Variants in ABCF1 observed in about 807,000 individuals in gnomAD.
The protein encoded by ABCF1 is ATP binding cassette subfamily F member 1, also known as ATP-binding cassette sub-family F member 1.
Under a neutral mutation model 126.3 loss-of-function variants are expected in ABCF1, and 73 were observed. The observed-to-expected ratio is 0.58, with a 90% CI of 0.48 to 0.70. The LOEUF (loss-of-function observed/expected upper bound fraction) is 0.70. Among genes scored for constraint, ABCF1 ranks in the 30% least tolerant of loss-of-function variants. ABCF1 has a pLI of 0.00. For synonymous variants in ABCF1, 345 were observed against 396.4 expected (o/e 0.87, Z 1.54); for missense variants, 786 against 1,057.5 (o/e 0.74, Z 3.56).
Position 30,590,594 on chromosome 6 carries a change from G to A in ABCF1, c.2431G>A (p.Val811Met). ...CACAGAAACCAATTGCCAGCTGTGG[G>A]TGGTGGAGGAGCAGAGTGTTAGCCA... The part of the protein sequence containing the change: ...LITETNCQLW[V>M]VEEQSVSQID... The change falls in exon 25 of 25, where the codon GTG becomes ATG. Residue 811 changes from valine (V) to methionine (M), a missense_variant. Around this residue, in one of 4 missense-constraint regions of ABCF1, gnomAD observed 288 missense variants for 423.5 expected, o/e 0.68. Transcript: ENST00000326195. 6.2e-6 allele frequency: 10 copies of A among 1,613,068 alleles called. No homozygotes were observed. The highest frequency in any genetic ancestry group is 8.5e-6 in the Non-Finnish European group (10 of 1,180,030).
chr6:30,589,692 A>G lies in ABCF1; in HGVS notation c.2036A>G (p.His679Arg), dbSNP rs766538220. Residue 679 changes from histidine (H) to arginine (R), a missense_variant, in exon 21 of 25, where the codon CAT becomes CGT. By Grantham distance (29) the His-to-Arg change is conservative. Around this residue, in one of 4 missense-constraint regions of ABCF1, gnomAD observed 288 missense variants for 423.5 expected, o/e 0.68. Transcript: ENST00000326195. Reference protein sequence around the residue: ...LLLTGKLTPTHGEMRKNHRLK... With the variant: ...LLLTGKLTPTRGEMRKNHRLK... ...CTACTTTGTCTTCCCTTGCAGACCC[A>G]TGGGGAAATGAGAAAGAACCACCGG... The G allele has an allele frequency of 3.1e-6, 5 of 1,613,606 alleles. No homozygotes were observed. The highest frequency in any genetic ancestry group is 1.7e-6 in the Non-Finnish European group (2 of 1,179,942).
chr6:30,585,706 C>T, intron 16 of ABCF1, 24 bp downstream of exon 16: 1 of 1,611,682 alleles, frequency 6.2e-7, no homozygotes, highest in Non-Finnish European at 8.5e-7. Flanking sequence ...TGTGTGGATG[C>T]AGGGAAGAGA....
rs1802140608 is a variant in ABCF1, at chr6:30,586,481, A to G, written c.1893A>G (p.Thr631=). ...TCTTTTCGTGGCTTTCAGGTGTGAC[A>G]TTCGGCTACCAGGGACAGAAACCAC... is the stretch of plus-strand genomic sequence containing the variant. The part of the protein sequence containing the change: ...SPPVLGLHGV[T]FGYQGQKPLF... The change falls in exon 19 of 25, where the codon ACA becomes ACG. Residue 631 remains threonine (T), a synonymous_variant. Transcript: ENST00000326195. This position sits in a 1 kb window ranked among gnomAD's most constrained non-coding sequence, Gnocchi z 4.9. 3 of 1,613,550 alleles carry G rather than the reference A, an allele frequency of 1.9e-6. No homozygotes were observed. The highest frequency in any genetic ancestry group is 2.5e-6 in the Non-Finnish European group (3 of 1,180,030).
At chr6:30,585,464 C>T (rs1196710793) in intron 15 of ABCF1, 94 bp from the exon 16 acceptor site, 3 of 1,588,916 alleles carry the variant, frequency 1.9e-6, no homozygotes, top group African/African-American at 2.7e-5. Context: ...TTCAGACCCC[C>T]CTTTCCCTCC....
At chr6:30,587,941 C>T (rs1186168499) in intron 20 of ABCF1, among the ~76,000 whole-genome samples, 1 of 151,018 alleles carries the variant, frequency 6.6e-6, no homozygotes, top group Non-Finnish European at 1.5e-5. Context: ...GTCTCACTGT[C>T]GCCCAGCCTG....
At position 30,591,325 on chromosome 6, in the gene ABCF1, T is replaced by C. The variant is rs1802444263; in HGVS notation, c.*624T>C. On this transcript the variant is annotated 3_prime_UTR_variant, in exon 25 of 25. Coordinates refer to ENST00000326195, the MANE Select transcript of ABCF1 (RefSeq NM_001025091.2). Reference sequence around the variant, plus strand: ...GAGTTGCTGCCGACCTGTCACTGTTTGGAGATTGATGGGAGTTGGAACTGT... The same window carrying C: ...GAGTTGCTGCCGACCTGTCACTGTTCGGAGATTGATGGGAGTTGGAACTGT... 6.6e-6 allele frequency: 1 copy of C among 152,244 alleles called. No individual in the cohort carries two copies. Among genetic ancestry groups the C allele is most frequent in the Non-Finnish European group, 1.5e-5 (1 of 68,090 alleles). The allele number at this position is 152,244 out of a possible 1,614,324, so 9.4% of individuals were successfully genotyped here. A position where few individuals can be genotyped will look rare whatever the true frequency, so the allele number is the denominator to read the frequency against.
chr6:30,571,468 T>C lies in ABCF1; in HGVS notation c.-20T>C, dbSNP rs748905047. On this transcript the variant is annotated 5_prime_UTR_variant, in exon 1 of 25. Transcript: ENST00000326195. ...GAAATAGCACCGGGCGCCGCCACAG[T>C]AGCTGTAACTGCCACCGCGATGCCG... The C allele has an allele frequency of 6.2e-7, 1 of 1,605,404 alleles. No individual in the cohort carries two copies. The highest frequency in any genetic ancestry group is 8.5e-7 in the Non-Finnish European group (1 of 1,176,924).
intron 8 of ABCF1, 28 bp downstream of exon 8, chr6:30,580,547 G>GA: frequency 7.2e-7 from 1 of 1,388,240 alleles, no homozygotes; most frequent in Non-Finnish European, 9.5e-7. Flanking sequence ...GGGCAAGGTG[G>GA]AATGAGGGAC....
At chr6:30,577,690 A>G (rs2127406196) in intron 2 of ABCF1, 128 bp from the exon 3 acceptor site, 1 of 1,047,870 alleles carries the variant, frequency 9.5e-7, no homozygotes, top group East Asian at 2.4e-5. Flanking sequence ...ACAAAAAGAA[A>G]AAAAAGAGAG....
intron 9 of ABCF1, 70 bp from the exon 10 acceptor site, chr6:30,582,996 A>G (rs1391718227): frequency 6.4e-7 from 1 of 1,557,926 alleles, no homozygotes; most frequent in African/African-American, 1.4e-5. Context: ...CCCAGCCAGC[A>G]TGGGCTGTTT....
intron 20 of ABCF1, among the ~76,000 whole-genome samples, chr6:30,587,427 T>C (rs1802207362): frequency 6.6e-6 from 1 of 152,000 alleles, no homozygotes; most frequent in Non-Finnish European, 1.5e-5. Flanking sequence ...GGAGATCACC[T>C]GAGGTCAGGA....
intron 8 of ABCF1, among the ~76,000 whole-genome samples, chr6:30,581,807 A>C (rs1801829877): frequency 6.6e-6 from 1 of 152,200 alleles, no homozygotes; most frequent in African/African-American, 2.4e-5. Context: ...GTTACATTGT[A>C]TTGGGAGTTA....
intron 20 of ABCF1, 83 bp from the exon 21 acceptor site, chr6:30,589,605 A>G (rs1171741787): frequency 4.1e-6 from 5 of 1,226,464 alleles, no homozygotes; most frequent in Non-Finnish European, 5.5e-6. Flanking sequence ...TCCGTCTCAA[A>G]AAAAAAAAAA....
At chr6:30,582,124 T>C (rs1438803478) in intron 8 of ABCF1, among the ~76,000 whole-genome samples, 1 of 151,784 alleles carries the variant, frequency 6.6e-6, no homozygotes, top group Non-Finnish European at 1.5e-5. Flanking sequence ...TGGCACGATC[T>C]CGGCTCACTG....
At chr6:30,580,639 T>C in intron 8 of ABCF1, 120 bp downstream of exon 8, 1 of 618,640 alleles carries the variant, frequency 1.6e-6, no homozygotes, top group East Asian at 3.4e-5. Context: ...CTTTTCTTTT[T>C]TTGGGGGAGT....
intron 1 of ABCF1, among the ~76,000 whole-genome samples, chr6:30,572,361 G>A (rs546369627): frequency 6.6e-5 from 10 of 152,320 alleles, no homozygotes; most frequent in African/African-American, 2.4e-4. Flanking sequence ...GTATGGTGAA[G>A]GGTCAGAGCA....
In ABCF1 at chr6:30,578,144, A is replaced by G. The variant is rs1179653603; in HGVS notation, c.285A>G (p.Lys95=). The G allele has an allele frequency of 1.2e-6, 2 of 1,614,062 alleles. No homozygotes were observed. Among genetic ancestry groups the G allele is most frequent in the South Asian group, 1.1e-5 (1 of 91,084 alleles). The change falls in exon 4 of 25, where the codon AAA becomes AAG. Residue 95 remains lysine (K), a synonymous_variant. Coordinates refer to ENST00000326195, the MANE Select transcript of ABCF1 (RefSeq NM_001025091.2). The part of the protein sequence containing the change: ...KKDVDDDGEE[K]ELMERLKKLS... Reference sequence around the variant, plus strand: ...ATGTGGATGATGATGGAGAAGAGAAAGAGCTCATGGAGCGTCTTAAGAAGC... The same window carrying G: ...ATGTGGATGATGATGGAGAAGAGAAGGAGCTCATGGAGCGTCTTAAGAAGC...
At position 30,583,905 on chromosome 6, in the gene ABCF1, G is replaced by A. The variant is rs559275313; in HGVS notation, c.1102+15G>A. 161 of 1,612,554 alleles carry A rather than the reference G, an allele frequency of 1.0e-4. 2 individuals are homozygous for A. Among genetic ancestry groups the A allele is most frequent in the Admixed American group, 4.7e-4 (28 of 59,954 alleles). On this transcript the variant is annotated intron_variant, in intron 12 of 24. Coordinates refer to ENST00000326195, the MANE Select transcript of ABCF1 (RefSeq NM_001025091.2). This position sits in a 1 kb window ranked among gnomAD's most constrained non-coding sequence, Gnocchi z 4.1. ...GTGTGAGCAGGGTGAGACCACTGGGGAGAAAAGGGGCTTGGTGGGGTGGGC... is the reference window on the plus strand; with the variant it reads ...GTGTGAGCAGGGTGAGACCACTGGGAAGAAAAGGGGCTTGGTGGGGTGGGC...
chr6:30,582,022 GAAATC>G (rs1801839884), intron 8 of ABCF1, among the ~76,000 whole-genome samples: 1 of 151,840 alleles, frequency 6.6e-6, no homozygotes, highest in African/African-American at 2.4e-5. Context: ...CAGATGATGT[GAAATC>G]TGAGTTCTAG....
Sources: allele counts gnomAD v4.1 joint callset (sites outside exome capture counted in the v4.1 genomes callset), GRCh38; gene constraint gnomAD v4.1.1; regional missense constraint gnomAD v4.1.1; non-coding constraint Gnocchi (gnomAD v3.1); transcripts MANE v1.5; gene names NCBI Gene and HGNC (gene_info 2026-07-23, HGNC 2026-07-21).